NCSTN: variants seen among roughly 807,000 people sequenced by gnomAD.
NCSTN encodes nicastrin, also known as anterior pharynx-defective 2.
In NCSTN, 22 loss-of-function variants were observed where a neutral mutation model predicts 87.0. That is an observed-to-expected ratio of 0.25 (90% CI 0.18 to 0.36). The LOEUF (loss-of-function observed/expected upper bound fraction) is 0.36. NCSTN is among the 10% of genes least tolerant of loss of function. The pLI, the probability that NCSTN is intolerant of heterozygous loss-of-function variation, is 1.00. For synonymous variants in NCSTN, 306 were observed against 327.1 expected (o/e 0.94, Z 0.69); for missense variants, 693 against 883.3 (o/e 0.78, Z 2.73).
At chr1:160,354,345 A>T in intron 11 of NCSTN, 55 bp downstream of exon 11, 1 of 1,588,540 alleles carries the variant, frequency 6.3e-7, no homozygotes, top group South Asian at 1.1e-5. Flanking sequence ...TCTATTCTGC[A>T]GTCTGGGAGG....
chr1:160,345,209 T>C (rs764715905), intron 2 of NCSTN: 5 of 314,856 alleles, frequency 1.6e-5, no homozygotes, highest in Admixed American at 4.7e-5. Flanking sequence ...CTTTTTTTTT[T>C]GACACGGAGT....
intron 1 of NCSTN, 100 bp from the exon 2 acceptor site, chr1:160,344,622 A>G (rs1025886957): frequency 1.2e-5 from 18 of 1,563,522 alleles, no homozygotes; most frequent in Non-Finnish European, 1.6e-5. Context: ...AAAGTATGAT[A>G]TTAAATGATT....
Position 160,348,672 on chromosome 1 carries a change from A to C in NCSTN, c.191-327A>C, listed in dbSNP as rs565312720. ...AGATTTAGTGGCATTTCCTAGAGAA[A>C]ATATAGGTTTGAAAACTTTGGTGTC... On this transcript the variant is annotated intron_variant, in intron 2 of 16. Coordinates refer to ENST00000294785, the MANE Select transcript of NCSTN (RefSeq NM_015331.3). 5.7e-4 allele frequency among the ~76,000 whole-genome samples: 87 copies of C among 152,346 alleles called. 1 individual carries two copies. The South Asian group carries it at 0.017, about 30-fold the overall frequency.
In NCSTN at chr1:160,352,877, C is replaced by T. The variant is rs1193253724; in HGVS notation, c.997-10C>T. ...CTCTGTTCCCCCTCCCACCTACCTCCATCTCTCAGGAAACTTTTGACTACA... is the reference window on the plus strand; with the variant it reads ...CTCTGTTCCCCCTCCCACCTACCTCTATCTCTCAGGAAACTTTTGACTACA... On this transcript the variant is annotated splice_polypyrimidine_tract_variant and intron_variant, in intron 8 of 16. Coordinates refer to ENST00000294785, the MANE Select transcript of NCSTN (RefSeq NM_015331.3). 6.2e-6 allele frequency: 10 copies of T among 1,609,438 alleles called. No individual in the cohort carries two copies. The highest frequency in any genetic ancestry group is 7.7e-6 in the Non-Finnish European group (9 of 1,175,770).
In NCSTN at chr1:160,343,460, T is replaced by C. The variant is rs1648216449; in HGVS notation, c.64T>C (p.Ser22Pro). ...PGSRGLLRLL[S>P]FCVLLAGLCR... The stretch of plus-strand genomic sequence containing the variant: ...AAGTCGGGGTCTCCTTCGCCTTCTG[T>C]CTTTCTGCGTCCTACTAGCAGGTGA... The change falls in exon 1 of 17, where the codon TCT becomes CCT. Residue 22 changes from serine (S) to proline (P), a missense_variant. Physicochemically the swap from Ser to Pro is moderately conservative, Grantham distance 74. Coordinates refer to ENST00000294785, the MANE Select transcript of NCSTN (RefSeq NM_015331.3). 1.9e-6 allele frequency: 3 copies of C among 1,610,706 alleles called. No homozygotes were observed. The highest frequency in any genetic ancestry group is 2.5e-6 in the Non-Finnish European group (3 of 1,178,974).
At chr1:160,352,470 C>A (rs936446359) in intron 8 of NCSTN, among the ~76,000 whole-genome samples, 1 of 152,184 alleles carries the variant, frequency 6.6e-6, no homozygotes, top group Non-Finnish European at 1.5e-5. Flanking sequence ...TTGGAGGCGG[C>A]CTTTTACTTT....
chr1:160,351,466 G>A lies in NCSTN; in HGVS notation c.733+94G>A, dbSNP rs113038796. Reference sequence around the variant, plus strand: ...ATGTTAGAGAGACTGTAATAGGGAAGGAGTAGACACCATGAAGGAGCTCTG... The same window carrying A: ...ATGTTAGAGAGACTGTAATAGGGAAAGAGTAGACACCATGAAGGAGCTCTG... On this transcript the variant is annotated intron_variant, in intron 6 of 16. Transcript: ENST00000294785. The A allele has an allele frequency of 8.8e-4, 1,293 of 1,462,906 alleles. 12 individuals are homozygous for A. In the African/African-American group the frequency reaches 0.011, roughly 13 times the overall value. The allele number at this position is 1,462,906 out of a possible 1,614,324, so 90.6% of individuals were successfully genotyped here.
At chr1:160,351,853 G>A (rs200203877) in intron 7 of NCSTN, 48 bp downstream of exon 7, 171 of 1,518,438 alleles carry the variant, frequency 1.1e-4, no homozygotes, top group Non-Finnish European at 1.4e-4. Flanking sequence ...CACAAAAAGA[G>A]CTGGTAGGCC....
chr1:160,353,996 A>G (rs1649004374), intron 10 of NCSTN, 122 bp from the exon 11 acceptor site: 14 of 1,069,176 alleles, frequency 1.3e-5, no homozygotes, highest in South Asian at 1.4e-5. Context: ...ATAAAGGTCT[A>G]CTAGAGATAG....
chr1:160,346,272 T>A (rs952569361), intron 2 of NCSTN, among the ~76,000 whole-genome samples: 1 of 152,228 alleles, frequency 6.6e-6, no homozygotes, highest in African/African-American at 2.4e-5. Context: ...ATTGATCACC[T>A]CTGAATTTCA....
In NCSTN at chr1:160,349,135, T is replaced by G; in HGVS notation, c.314+13T>G. On this transcript the variant is annotated intron_variant, in intron 3 of 16. Transcript: ENST00000294785. ...AGCATTTTACCAGGTAAGAACTAGA[T>G]GTATCTGCTGGGAAAACATCCATAG... The G allele has an allele frequency of 5.0e-6, 8 of 1,614,054 alleles. No individual in the cohort carries two copies. The highest frequency in any genetic ancestry group is 6.8e-6 in the Non-Finnish European group (8 of 1,179,944).
intron 4 of NCSTN, 68 bp from the exon 5 acceptor site, chr1:160,350,037 C>A (rs188894856): frequency 9.0e-6 from 14 of 1,557,458 alleles, no homozygotes; most frequent in Non-Finnish European, 1.2e-5. Flanking sequence ...ATTCTTCTGC[C>A]GTCACCTGGT....
chr1:160,348,967 G>C (rs775924350), intron 2 of NCSTN, 32 bp from the exon 3 acceptor site: 1 of 1,614,034 alleles, frequency 6.2e-7, no homozygotes. Context: ...TTAACTATGG[G>C]AGCTTTAATT....
chr1:160,353,072 C>T (rs1648952528), intron 9 of NCSTN, 81 bp downstream of exon 9: 1 of 1,573,570 alleles, frequency 6.4e-7, no homozygotes, highest in Non-Finnish European at 8.7e-7. Context: ...CTGCAGGAAC[C>T]ACCGCCTCTT....
rs141272729 is a variant in NCSTN, at chr1:160,351,242, G to A, written c.603G>A (p.Leu201=). The change falls in exon 6 of 17, where the codon CTG becomes CTA. Residue 201 remains leucine, a synonymous_variant. Transcript: ENST00000294785. ...VIKQCYQDHN[L]SQNGSAPTFP... is the part of the protein sequence containing the mutation. ...TTCAGTGCTATCAAGATCACAACCT[G>A]AGTCAGAATGGCTCAGCACCAACCT... 2.9e-4 allele frequency: 474 copies of A among 1,614,180 alleles called. 1 individual carries two copies. The highest frequency in any genetic ancestry group is 3.9e-4 in the Non-Finnish European group (459 of 1,180,040).
rs376983649 is a variant in NCSTN, at chr1:160,343,448, C to T, written c.52C>T (p.Leu18Phe). 7 of 1,611,854 alleles carry T rather than the reference C, an allele frequency of 4.3e-6. No individual in the cohort carries two copies. Among genetic ancestry groups the T allele is most frequent in the Non-Finnish European group, 5.9e-6 (7 of 1,179,380 alleles). Reference sequence around the variant, plus strand: ...GGCTGACCCGGGAAGTCGGGGTCTCCTTCGCCTTCTGTCTTTCTGCGTCCT... The same window carrying T: ...GGCTGACCCGGGAAGTCGGGGTCTCTTTCGCCTTCTGTCTTTCTGCGTCCT... Reference protein sequence around the residue: ...SGADPGSRGLLRLLSFCVLLA... With the variant: ...SGADPGSRGLFRLLSFCVLLA... Residue 18 changes from leucine to phenylalanine, a missense_variant, in exon 1 of 17, where the codon CTT (leucine) becomes TTT (phenylalanine). Physicochemically the swap from Leu to Phe is conservative, Grantham distance 22 (BLOSUM62 0). Transcript: ENST00000294785.
chr1:160,358,720 CAG>C lies in NCSTN; in HGVS notation c.*450_*451del, dbSNP rs1238245463. On this transcript the variant is annotated 3_prime_UTR_variant, in exon 17 of 17. Transcript: ENST00000294785. ...TCAAACTACATTGAGCCCCTGAGGA[CAG>C]GGGCATCTCTGGGCTGAGCCTACTG... 2.7e-5 allele frequency: 7 copies of C among 260,868 alleles called. No individual in the cohort carries two copies. In the South Asian group the frequency reaches 2.8e-4, roughly 10 times the overall value. The allele number at this position is 260,868 out of a possible 1,614,324, so 16.2% of individuals were successfully genotyped here.
At chr1:160,343,854 A>G (rs375405512) in intron 1 of NCSTN, 70 of 507,086 alleles carry the variant, frequency 1.4e-4, no homozygotes, top group East Asian at 4.5e-4. Context: ...GACGAAAGCA[A>G]TCTTGTTCTG....
intron 2 of NCSTN, among the ~76,000 whole-genome samples, chr1:160,348,519 G>A (rs936951105): frequency 9.9e-5 from 15 of 152,248 alleles, no homozygotes; most frequent in African/African-American, 3.6e-4. Flanking sequence ...TCTAAAACCG[G>A]CCAGAAGCAA....
Sources: allele counts gnomAD v4.1 joint callset (sites outside exome capture counted in the v4.1 genomes callset), GRCh38; gene constraint gnomAD v4.1.1; transcripts MANE v1.5; gene names NCBI Gene and HGNC (gene_info 2026-07-23, HGNC 2026-07-21).